Variants in BTNL2 observed in about 807,000 individuals in gnomAD.
BTNL2 encodes the protein butyrophilin-like protein 2.
In BTNL2, 46 loss-of-function variants were observed where a neutral mutation model predicts 46.8. The ratio of observed to expected loss-of-function variants is 0.98; its 90% CI spans 0.78 to 1.26. BTNL2 has a LOEUF of 1.26. BTNL2 is among the 50% of genes most tolerant of loss of function. The pLI is 0.00. For missense variants in BTNL2, 461 were observed against 592.6 expected (o/e 0.78, Z 2.31); for synonymous variants, 226 against 229.1 (o/e 0.99, Z 0.12).
chr6:32,397,893 T>C (rs972750684), intron 4 of BTNL2, among the ~76,000 whole-genome samples: 1 of 152,278 alleles, frequency 6.6e-6, no homozygotes, highest in African/African-American at 2.4e-5. Context: ...CCAGCCGCTA[T>C]ATTTTATTTC....
intron 1 of BTNL2, chr6:32,406,290 G>A (rs1259419103): frequency 6.6e-6 from 1 of 152,292 alleles, no homozygotes; most frequent in Non-Finnish European, 1.5e-5. Flanking sequence ...CTGTTACAGG[G>A]TAGGGAGCTG....
At position 32,394,116 on chromosome 6, in the gene BTNL2, T is replaced by C; in HGVS notation, c.1361-59A>G. 2 of 1,543,326 alleles carry C rather than the reference T, an allele frequency of 1.3e-6. No homozygotes were observed. Among genetic ancestry groups the C allele is most frequent in the South Asian group, 1.2e-5 (1 of 83,042 alleles). On this transcript the variant is annotated intron_variant, in intron 6 of 7. Coordinates refer to ENST00000454136, the MANE Select transcript of BTNL2 (RefSeq NM_001304561.2). This position sits in a 1 kb window ranked among gnomAD's most constrained non-coding sequence, Gnocchi z 4.6. The stretch of plus-strand genomic sequence containing the variant: ...TGAAACTGGGACAATATTAAGATTG[T>C]ACTTTTCATCTGAGCAGCTTCTAGG...
In BTNL2 at chr6:32,393,465, G is replaced by A. The variant is rs1181032921; in HGVS notation, c.*7-76C>T. 6.5e-6 allele frequency: 1 copy of A among 152,786 alleles called. No homozygotes were observed. The highest frequency in any genetic ancestry group is 1.5e-5 in the Non-Finnish European group (1 of 68,236). The allele number at this position is 152,786 out of a possible 1,614,324, so 9.5% of individuals were successfully genotyped here. A position where few individuals can be genotyped will look rare whatever the true frequency, so the allele number is the denominator to read the frequency against. On this transcript the variant is annotated intron_variant, in intron 7 of 7. Transcript: ENST00000454136. This position sits in a 1 kb window ranked among gnomAD's most constrained non-coding sequence, Gnocchi z 4.8. ...TATTAACAGCCAAACAGGAAGACAA[G>A]TGTTTCACGGACATAAGAAATTTAA...
In BTNL2 at chr6:32,394,026, C is replaced by A; in HGVS notation, c.1392G>T (p.Leu464=). Residue 464 remains leucine (L), a synonymous_variant, in exon 7 of 8, where the codon CTG becomes CTT. Coordinates refer to ENST00000454136, the MANE Select transcript of BTNL2 (RefSeq NM_001304561.2). The surrounding 1 kb of genome is among the most constrained non-coding windows in gnomAD (Gnocchi z 4.6). ...CAGCAAGAAGCAATCCCCAAACAAG[C>A]AGTGTTTTCCACAAAAACGTCATCC... ...ESRMTFLWKT[L]LVWGLLLAVA... 6.5e-7 allele frequency: 1 copy of A among 1,550,192 alleles called. No individual in the cohort carries two copies. The highest frequency in any genetic ancestry group is 2.4e-5 in the East Asian group (1 of 40,902).
rs140620219 is a variant in BTNL2 at position 32,396,642 on chromosome 6, T to G, written c.731-256A>C. Reference sequence around the variant, plus strand: ...GAATCCCTACCTGCTTCTACCTGTATTTTTTTCAGTTTACAGACCAATAAT... The same window carrying G: ...GAATCCCTACCTGCTTCTACCTGTAGTTTTTTCAGTTTACAGACCAATAAT... On this transcript the variant is annotated intron_variant, in intron 4 of 7. Transcript: ENST00000454136. This position sits in a 1 kb window ranked among gnomAD's most constrained non-coding sequence, Gnocchi z 4.4. Among the ~76,000 whole-genome samples the G allele has an allele frequency of 6.6e-6, 1 of 152,104 alleles. No homozygotes were observed. The highest frequency in any genetic ancestry group is 1.5e-5 in the Non-Finnish European group (1 of 68,028).
At position 32,402,980 on chromosome 6, in the gene BTNL2, T is replaced by C; in HGVS notation, c.664A>G (p.Asn222Asp). ...SAESVSCLVHNPVLTEEKGSV... is the reference protein window; with the variant it reads ...SAESVSCLVHDPVLTEEKGSV... ...CCCTTCTCCTCAGTGAGGACGGGGTTGTGGACCAAGCAGGACACAGACTCT... is the reference window on the plus strand; with the variant it reads ...CCCTTCTCCTCAGTGAGGACGGGGTCGTGGACCAAGCAGGACACAGACTCT... Residue 222 changes from asparagine to aspartate, a missense_variant, in exon 3 of 8, where the codon AAC (asparagine) becomes GAC (aspartate). Physicochemically the swap from Asn to Asp is conservative, Grantham distance 23 (BLOSUM62 1). Transcript: ENST00000454136. 1.2e-6 allele frequency: 2 copies of C among 1,612,996 alleles called. No homozygotes were observed. The highest frequency in any genetic ancestry group is 1.7e-5 in the Admixed American group (1 of 60,016).
At chr6:32,400,111 C>T (rs1776660119) in intron 4 of BTNL2, among the ~76,000 whole-genome samples, 1 of 152,130 alleles carries the variant, frequency 6.6e-6, no homozygotes, top group South Asian at 2.1e-4. Context: ...TCAACCTGCC[C>T]CAAACACTGG....
chr6:32,405,395 T>G, intron 1 of BTNL2, 109 bp from the exon 2 acceptor site: 4 of 970,348 alleles, frequency 4.1e-6, no homozygotes, highest in Non-Finnish European at 6.4e-6. Flanking sequence ...GAGGGAGAGA[T>G]ATATGTTTAA....
chr6:32,400,912 C>CAAAAAAAA (rs760395296), intron 4 of BTNL2, among the ~76,000 whole-genome samples: 2 of 93,826 alleles, frequency 2.1e-5, no homozygotes, highest in Non-Finnish European at 4.1e-5. Flanking sequence ...GACTCCGTCT[C>CAAAAAAAA]AAAAAAAAAA....
chr6:32,405,435 G>A, intron 1 of BTNL2, 149 bp from the exon 2 acceptor site: 4 of 832,242 alleles, frequency 4.8e-6, no homozygotes, highest in Non-Finnish European at 5.9e-6. Context: ...ATGATGATTT[G>A]CACATCTGTT....
At chr6:32,405,346 T>A (rs772347012) in intron 1 of BTNL2, 60 bp from the exon 2 acceptor site, 2 of 1,508,842 alleles carry the variant, frequency 1.3e-6, no homozygotes, top group South Asian at 2.3e-5. Context: ...ATATGCATGC[T>A]TTGGGGTGTC....
At position 32,405,006 on chromosome 6, in the gene BTNL2, T is replaced by C. The variant is rs1180177610; in HGVS notation, c.360A>G (p.Gly120=). Residue 120 remains glycine (G), a synonymous_variant, in exon 2 of 8, where the codon GGA becomes GGG. Coordinates refer to ENST00000454136, the MANE Select transcript of BTNL2 (RefSeq NM_001304561.2). ...CATCCTGGAAATGGCACCAGTATTG[T>C]CCATTGTCGGAGGGCTGGATGTTGT... The part of the protein sequence containing the change: ...KIHNIQPSDN[G]QYWCHFQDGN... The C allele has an allele frequency of 1.9e-6, 3 of 1,613,094 alleles. No individual in the cohort carries two copies. The highest frequency in any genetic ancestry group is 2.5e-6 in the Non-Finnish European group (3 of 1,180,026).
intron 3 of BTNL2, 136 bp from the exon 4 acceptor site, chr6:32,401,941 T>C (rs1776811549): frequency 1.6e-6 from 1 of 628,344 alleles, no homozygotes; most frequent in South Asian, 3.2e-5. Flanking sequence ...TGCAGAAAAA[T>C]ACTGATTCTT....
In BTNL2 at chr6:32,394,647, T is replaced by C; in HGVS notation, c.1360+97A>G. On this transcript the variant is annotated intron_variant, in intron 6 of 7. Transcript: ENST00000454136. The surrounding 1 kb of genome is among the most constrained non-coding windows in gnomAD (Gnocchi z 4.6). ...GGAGACCTCGTCAGAGATCAGCAAA[T>C]AAAAATCACAAAGGAAGAAGAGCAA... 2 of 1,414,530 alleles carry C rather than the reference T, an allele frequency of 1.4e-6. No homozygotes were observed. The highest frequency in any genetic ancestry group is 1.4e-5 in the South Asian group (1 of 72,586). 87.6% of individuals were successfully genotyped at this position (1,414,530 alleles called of 1,614,324 possible). A position where few individuals can be genotyped will look rare whatever the true frequency, so the allele number is the denominator to read the frequency against.
At position 32,403,119 on chromosome 6, in the gene BTNL2, C is replaced by T. The variant is rs1776894556; in HGVS notation, c.525G>A (p.Val175=). The T allele has an allele frequency of 6.2e-7, 1 of 1,612,792 alleles. No homozygotes were observed. The highest frequency in any genetic ancestry group is 1.1e-5 in the South Asian group (1 of 91,072). The stretch of plus-strand genomic sequence containing the variant: ...TCTCTCCCCGGATGTCTTCCCAATA[C>T]ACCTGGGGCTCTGGGAACCAGCCCC... ...TARGWFPEPQ[V]YWEDIRGEKL... is the part of the protein sequence containing the mutation. The change falls in exon 3 of 8, where the codon GTG becomes GTA. Residue 175 remains valine, a synonymous_variant. Transcript: ENST00000454136.
In BTNL2 at chr6:32,407,092, CCAGA is replaced by C. The variant is rs1562262835; in HGVS notation, c.28_31del (p.Ser10ValfsTer11). 5 of 1,612,988 alleles carry C rather than the reference CCAGA, an allele frequency of 3.1e-6. No individual in the cohort carries two copies. The highest frequency in any genetic ancestry group is 2.2e-5 in the South Asian group (2 of 91,078). Reference sequence around the variant, plus strand: ...GATGAATAGGAAGGAGGCGACTGCACCAGACAGATTGTAGCCTGGAAAATCCACC... The same window carrying C: ...GATGAATAGGAAGGAGGCGACTGCACCAGATTGTAGCCTGGAAAATCCACC... On this transcript the variant is annotated frameshift_variant, in exon 1 of 8. Transcript: ENST00000454136. LOFTEE classifies it high-confidence loss of function.
chr6:32,401,502 C>G (rs1681183982), intron 4 of BTNL2, among the ~76,000 whole-genome samples: 1 of 152,144 alleles, frequency 6.6e-6, no homozygotes, highest in Admixed American at 6.5e-5. Context: ...CTCCCTTTCC[C>G]CTCAACACAT....
Position 32,403,095 on chromosome 6 carries a change from C to G in BTNL2, c.549G>C (p.Glu183Asp). 1 of 1,612,914 alleles carries G rather than the reference C, an allele frequency of 6.2e-7. No homozygotes were observed. Among genetic ancestry groups the G allele is most frequent in the Non-Finnish European group, 8.5e-7 (1 of 1,179,918 alleles). ...PQVYWEDIRG[E>D]KLLAVSEHRI... ...GATGCTCAGACACGGCCAGCAGCTT[C>G]TCTCCCCGGATGTCTTCCCAATACA... is the stretch of plus-strand genomic sequence containing the variant. Residue 183 changes from glutamate (E) to aspartate (D), a missense_variant, in exon 3 of 8, where the codon GAG (glutamate) becomes GAC (aspartate). Transcript: ENST00000454136.
rs138791851 is a variant in BTNL2 at position 32,397,752 on chromosome 6, G to A, written c.731-1366C>T. On this transcript the variant is annotated intron_variant, in intron 4 of 7. Transcript: ENST00000454136. ...GCACAGACCTGTGAGACTTGAAGGCGTTGGAGCCATCCCCACCCTCTGACG... is the reference window on the plus strand; with the variant it reads ...GCACAGACCTGTGAGACTTGAAGGCATTGGAGCCATCCCCACCCTCTGACG... 5.3e-3 allele frequency among the ~76,000 whole-genome samples: 812 copies of A among 152,132 alleles called. 9 individuals are homozygous for A. The highest frequency in any genetic ancestry group is 0.018 in the African/African-American group (765 of 41,568).
Sources: allele counts gnomAD v4.1 joint callset (sites outside exome capture counted in the v4.1 genomes callset), GRCh38; gene constraint gnomAD v4.1.1; non-coding constraint Gnocchi (gnomAD v3.1); transcripts MANE v1.5; gene names NCBI Gene and HGNC (gene_info 2026-07-23, HGNC 2026-07-21).